PCDH11X: variants seen among roughly 807,000 people sequenced by gnomAD.
PCDH11X encodes the protein protocadherin 11 X-linked.
Under a neutral mutation model 53.3 loss-of-function variants are expected in PCDH11X, and 18 were observed. The ratio of observed to expected loss-of-function variants is 0.34; its 90% CI spans 0.23 to 0.50. PCDH11X has a LOEUF of 0.50. Ranked by LOEUF, PCDH11X falls within the 20% of genes least tolerant of loss-of-function variation. PCDH11X has a pLI of 0.98. For missense variants in PCDH11X, 570 were observed against 1,032.4 expected, an observed-to-expected ratio of 0.55 and a Z score of 6.14; for synonymous variants, 279 against 393.3, an observed-to-expected ratio of 0.71 and a Z score of 3.44.
At chrX:92,267,929 G>A (rs749701404) in intron 8 of PCDH11X, among the ~76,000 whole-genome samples, 14 of 111,521 alleles carry the variant, frequency 1.3e-4, no homozygotes, top group African/African-American at 2.9e-4. Flanking sequence ...TACTAATCCC[G>A]TCATGGGGTC....
chrX:92,068,721 G>T (rs1446473661), intron 6 of PCDH11X, among the ~76,000 whole-genome samples: 1 of 109,355 alleles, frequency 9.1e-6, no homozygotes, highest in Non-Finnish European at 1.9e-5. Flanking sequence ...TGTATTTTTA[G>T]TAGAGACGGG....
intron 6 of PCDH11X, among the ~76,000 whole-genome samples, chrX:92,042,239 T>A (rs62605336): frequency 0.1 from 11,210 of 110,192 alleles, 613 homozygotes; most frequent in East Asian, 0.42. Flanking sequence ...TTAAAATATA[T>A]CATGAAAGAT....
intron 10 of PCDH11X, among the ~76,000 whole-genome samples, chrX:92,520,932 G>C (rs1342874145): frequency 9.0e-6 from 1 of 111,356 alleles, no homozygotes; most frequent in Non-Finnish European, 1.9e-5. Context: ...CATGAGATTG[G>C]AGCAATTCAG....
At chrX:92,452,050 A>T (rs923716687) in intron 9 of PCDH11X, among the ~76,000 whole-genome samples, 2 of 109,438 alleles carry the variant, frequency 1.8e-5, no homozygotes, top group African/African-American at 6.7e-5. Context: ...ATTGTATATT[A>T]ATATTATCTG....
chrX:92,370,856 A>G (rs2070605035), intron 8 of PCDH11X, among the ~76,000 whole-genome samples: 1 of 111,828 alleles, frequency 8.9e-6, no homozygotes, highest in African/African-American at 3.3e-5. Flanking sequence ...TCTCCTTTCA[A>G]TTCTGTTAAT....
At chrX:92,309,531 C>T (rs1158235476) in intron 8 of PCDH11X, among the ~76,000 whole-genome samples, 1 of 111,342 alleles carries the variant, frequency 9.0e-6, no homozygotes, top group Admixed American at 9.6e-5. Context: ...TGTTTAATGG[C>T]TTTGGGGGTT....
At chrX:92,559,508 A>G (rs2075101246) in intron 10 of PCDH11X, among the ~76,000 whole-genome samples, 1 of 111,001 alleles carries the variant, frequency 9.0e-6, no homozygotes, top group South Asian at 3.9e-4. Flanking sequence ...GAGCAATCAT[A>G]GTACATGGTT....
intron 10 of PCDH11X, among the ~76,000 whole-genome samples, chrX:92,490,099 A>G (rs185018740): frequency 9.2e-6 from 1 of 108,224 alleles, no homozygotes; most frequent in Admixed American, 1.0e-4. Flanking sequence ...ATACATAAAC[A>G]TAATAGTTTA....
At chrX:92,018,984 G>C (rs1293945786) in intron 6 of PCDH11X, among the ~76,000 whole-genome samples, 2 of 111,861 alleles carry the variant, frequency 1.8e-5, no homozygotes, top group Non-Finnish European at 3.8e-5. Flanking sequence ...ATCAGATTTA[G>C]AGGGTAAGAT....
At chrX:92,464,737 C>G in intron 9 of PCDH11X, among the ~76,000 whole-genome samples, 1 of 110,283 alleles carries the variant, frequency 9.1e-6, no homozygotes, top group Non-Finnish European at 1.9e-5. Flanking sequence ...TAGTTTTGCA[C>G]TCAATAGGAG....
chrX:91,924,962 A>G (rs1173566274), intron 6 of PCDH11X, among the ~76,000 whole-genome samples: 1 of 109,990 alleles, frequency 9.1e-6, no homozygotes, highest in African/African-American at 3.3e-5. Context: ...CTCAACTTGA[A>G]AGCAACATAT....
chrX:91,882,027 G>A (rs1388977721), intron 6 of PCDH11X, among the ~76,000 whole-genome samples: 3 of 109,553 alleles, frequency 2.7e-5, no homozygotes, highest in East Asian at 2.9e-4. Context: ...TTTATAAAGG[G>A]AATCAAATAC....
chrX:91,791,668 C>T (rs980597355), intron 1 of PCDH11X, among the ~76,000 whole-genome samples: 1 of 96,972 alleles, frequency 1.0e-5, no homozygotes, highest in African/African-American at 4.2e-5. Flanking sequence ...CCAAAATACC[C>T]TATATCTTTT....
chrX:91,851,025 C>G (rs757864551), intron 5 of PCDH11X, among the ~76,000 whole-genome samples: 16 of 109,694 alleles, frequency 1.5e-4, no homozygotes, highest in African/African-American at 5.3e-4. Context: ...AGATCAGCTT[C>G]CTGGTAGATT....
intron 5 of PCDH11X, among the ~76,000 whole-genome samples, chrX:91,875,499 G>T (rs1939559658): frequency 9.3e-6 from 1 of 107,195 alleles, no homozygotes. Flanking sequence ...CCCCGTGTTA[G>T]CCAGGATGGT....
At chrX:92,492,581 A>T (rs1275596132) in intron 10 of PCDH11X, among the ~76,000 whole-genome samples, 4 of 111,109 alleles carry the variant, frequency 3.6e-5, no homozygotes, top group African/African-American at 9.8e-5. Flanking sequence ...CTGAAGTAAA[A>T]CTATCATTAT....
At chrX:92,148,129 T>TTTC (rs2065352585) in intron 6 of PCDH11X, among the ~76,000 whole-genome samples, 2 of 9,538 alleles carry the variant, frequency 2.1e-4, no homozygotes, top group Non-Finnish European at 3.5e-4. Context: ...TTTCTTTCTT[T>TTTC]CTTTTTCCTT....
intron 6 of PCDH11X, among the ~76,000 whole-genome samples, chrX:92,034,547 T>C (rs901969799): frequency 1.6e-4 from 17 of 106,821 alleles, no homozygotes; most frequent in Non-Finnish European, 3.1e-4. Context: ...TTGTCTGATA[T>C]CAGTATAGCT....
At chrX:92,606,022 G>A (rs748851050) in intron 10 of PCDH11X, among the ~76,000 whole-genome samples, 98 of 109,632 alleles carry the variant, frequency 8.9e-4, no homozygotes, top group African/African-American at 3.2e-3. Context: ...ACCTGAGGTT[G>A]GGAGTTCGAG....
Sources: gnomAD v4.1 joint callset for allele counts (sites outside exome capture counted in the v4.1 genomes callset) on GRCh38, gnomAD v4.1.1 for gene constraint, MANE v1.5 for transcripts, NCBI Gene and HGNC (gene_info 2026-07-23, HGNC 2026-07-21) for gene names.